IL11: variants seen among roughly 807,000 people sequenced by gnomAD.
The protein encoded by IL11 is interleukin-11.
A neutral mutation model predicts 18.1 loss-of-function variants in IL11; 17 were observed. That is an observed-to-expected ratio of 0.94 (90% CI 0.64 to 1.41). IL11 has a LOEUF of 1.41. IL11 is among the 40% of genes most tolerant of loss of function. IL11 has a pLI of 0.00. For synonymous variants in IL11, 144 were observed against 134.1 expected (o/e 1.07, Z -0.51); for missense variants, 309 against 262.8 (o/e 1.18, Z -1.22).
In IL11 at chr19:55,364,835, C is replaced by T. The variant is rs2089775321; in HGVS notation, c.*1172G>A. 1 of 152,202 alleles carries T rather than the reference C, an allele frequency of 6.6e-6. No individual in the cohort carries two copies. The highest frequency in any genetic ancestry group is 1.5e-5 in the Non-Finnish European group (1 of 68,036). The allele number at this position is 152,202 out of a possible 1,614,324, so 9.4% of individuals were successfully genotyped here. A position where few individuals can be genotyped will look rare whatever the true frequency, so the allele number is the denominator to read the frequency against. On this transcript the variant is annotated 3_prime_UTR_variant, in exon 5 of 5. Coordinates refer to ENST00000264563, the MANE Select transcript of IL11 (RefSeq NM_000641.4). Reference sequence around the variant, plus strand: ...CCAAGCAAGCCTCTCTCCTTAGCCTCCCTGAATGACAGTCCCTGCTCCGGG... The same window carrying T: ...CCAAGCAAGCCTCTCTCCTTAGCCTTCCTGAATGACAGTCCCTGCTCCGGG...
rs1239313341 is a variant in IL11, at chr19:55,369,801, G to T, written c.7+503C>A. The stretch of plus-strand genomic sequence containing the variant: ...CGTCGGTCTGTCCGCGCCTCCGTCG[G>T]CCGCATCTGCCCGGCTCTCCCCGCT... On this transcript the variant is annotated intron_variant, in intron 1 of 4. Transcript: ENST00000264563. The surrounding 1 kb of genome is among the most constrained non-coding windows in gnomAD (Gnocchi z 6.1). Among the ~76,000 whole-genome samples, 2 of 151,410 alleles carry T rather than the reference G, an allele frequency of 1.3e-5. No individual in the cohort carries two copies. Among genetic ancestry groups the T allele is most frequent in the Admixed American group, 1.3e-4 (2 of 15,240 alleles).
Position 55,365,941 on chromosome 19 carries a change from A to G in IL11, c.*66T>C, listed in dbSNP as rs779057841. 5.4e-4 allele frequency: 827 copies of G among 1,542,544 alleles called. 3 individuals are homozygous for G. Among genetic ancestry groups the G allele is most frequent in the Middle Eastern group, 4.1e-3 (18 of 4,410 alleles). On this transcript the variant is annotated 3_prime_UTR_variant, in exon 5 of 5. Transcript: ENST00000264563. ...GGGATCACCTGGCTGTTTCGCCCCC[A>G]GTACTGAAATAAATAAATAAATAAG...
At position 55,369,762 on chromosome 19, in the gene IL11, C is replaced by G. The variant is rs951142611; in HGVS notation, c.7+542G>C. ...GCCTCGCACACCCCCAGCCCGCCCC[C>G]CGGGCCCGCCAGCCGTCGGTCTGTC... On this transcript the variant is annotated intron_variant, in intron 1 of 4. Coordinates refer to ENST00000264563, the MANE Select transcript of IL11 (RefSeq NM_000641.4). This position sits in a 1 kb window ranked among gnomAD's most constrained non-coding sequence, Gnocchi z 6.1. Among the ~76,000 whole-genome samples, 1 of 150,690 alleles carries G rather than the reference C, an allele frequency of 6.6e-6. No individual in the cohort carries two copies. Among genetic ancestry groups the G allele is most frequent in the Non-Finnish European group, 1.5e-5 (1 of 67,514 alleles).
At chr19:55,367,473 TGAGA>T (rs2089792613) in intron 4 of IL11, among the ~76,000 whole-genome samples, 1 of 146,008 alleles carries the variant, frequency 6.8e-6, no homozygotes, top group African/African-American at 2.6e-5. Context: ...TTTTTTTTTT[TGAGA>T]GAGAGGGAGT....
chr19:55,368,223 C>A lies in IL11; in HGVS notation c.416G>T (p.Arg139Leu), dbSNP rs758552589. The change falls in exon 4 of 5, where the codon CGG becomes CTG. Residue 139 changes from arginine (R) to leucine (L), a missense_variant. Physicochemically the swap from Arg to Leu is moderately radical, Grantham distance 102. Transcript: ENST00000264563. ...GCCAGGACATACCAGGAGCTGCAGC[C>A]GGCGCAGCAGCCGGTCCAGTCGGGC... Reference protein sequence around the residue: ...LQARLDRLLRRLQLLMSRLAL... With the variant: ...LQARLDRLLRLLQLLMSRLAL... The A allele has an allele frequency of 6.5e-7, 1 of 1,532,926 alleles. No homozygotes were observed. The highest frequency in any genetic ancestry group is 8.8e-7 in the Non-Finnish European group (1 of 1,135,836). The allele number at this position is 1,532,926 out of a possible 1,614,324, so 95.0% of individuals were successfully genotyped here.
chr19:55,368,652 C>T, intron 2 of IL11, 83 bp from the exon 3 acceptor site: 1 of 1,493,344 alleles, frequency 6.7e-7, no homozygotes, highest in Non-Finnish European at 9.1e-7. Context: ...CCAACTCTTC[C>T]CCTCCCTCAC....
intron 3 of IL11, 54 bp from the exon 4 acceptor site, chr19:55,368,425 C>T: frequency 6.3e-7 from 1 of 1,580,532 alleles, no homozygotes. Context: ...CCTCATCCTC[C>T]CCGCCCCCTT....
intron 1 of IL11, 22 bp downstream of exon 1, chr19:55,370,282 C>T: frequency 3.3e-6 from 5 of 1,492,634 alleles, no homozygotes; most frequent in South Asian, 2.5e-5. Flanking sequence ...GTCCCCTCCA[C>T]CCTCCCCATG....
chr19:55,369,331 C>T lies in IL11; in HGVS notation c.8-390G>A. 1 of 159,386 alleles carries T rather than the reference C, an allele frequency of 6.3e-6. No individual in the cohort carries two copies. The highest frequency in any genetic ancestry group is 1.4e-5 in the Non-Finnish European group (1 of 73,012). The allele number at this position is 159,386 out of a possible 1,614,324, so 9.9% of individuals were successfully genotyped here. ...GACGGGCCGGGCGTCTCCCGTCCGC[C>T]CCCGGACGCCGGAATCTGGGCCCCG... On this transcript the variant is annotated intron_variant, in intron 1 of 4. Transcript: ENST00000264563. This position sits in a 1 kb window ranked among gnomAD's most constrained non-coding sequence, Gnocchi z 6.1.
chr19:55,366,486 A>G lies in IL11; in HGVS notation c.430-309T>C, dbSNP rs999833237. On this transcript the variant is annotated intron_variant, in intron 4 of 4. Coordinates refer to ENST00000264563, the MANE Select transcript of IL11 (RefSeq NM_000641.4). The surrounding 1 kb of genome is among the most constrained non-coding windows in gnomAD (Gnocchi z 4.6). ...AGAGTCGCCGGGGCTGGAATCTCAG[A>G]GCTGGGTTTTTGTTGTTGTGGCTGC... 3.5e-4 allele frequency among the ~76,000 whole-genome samples: 53 copies of G among 151,806 alleles called. No individual in the cohort carries two copies. Among genetic ancestry groups the G allele is most frequent in the African/African-American group, 1.2e-3 (49 of 41,318 alleles).
intron 4 of IL11, among the ~76,000 whole-genome samples, chr19:55,367,205 C>G (rs2089790913): frequency 6.6e-6 from 1 of 151,904 alleles, no homozygotes; most frequent in African/African-American, 2.4e-5. Context: ...AAGTGAGGGT[C>G]TTGGAGTCGT....
chr19:55,369,727 G>T lies in IL11; in HGVS notation c.7+577C>A, dbSNP rs1450386582. Among the ~76,000 whole-genome samples, 1 of 75,582 alleles carries T rather than the reference G, an allele frequency of 1.3e-5. No homozygotes were observed. Among genetic ancestry groups the T allele is most frequent in the African/African-American group, 5.2e-5 (1 of 19,100 alleles). The allele number at this position is 75,582 out of a possible 152,430, so 49.6% of individuals were successfully genotyped here. The stretch of plus-strand genomic sequence containing the variant: ...ACCCGCCAGCCAATCAGCGCTCCCC[G>T]GCCGCCCGCGCCTCGCACACCCCCA... On this transcript the variant is annotated intron_variant, in intron 1 of 4. Coordinates refer to ENST00000264563, the MANE Select transcript of IL11 (RefSeq NM_000641.4). This position sits in a 1 kb window ranked among gnomAD's most constrained non-coding sequence, Gnocchi z 6.1.
intron 4 of IL11, among the ~76,000 whole-genome samples, chr19:55,367,280 C>T (rs1372020820): frequency 1.3e-5 from 2 of 151,770 alleles, no homozygotes; most frequent in Non-Finnish European, 1.5e-5. Context: ...CATAGGGCCT[C>T]AGGGCTCGGG....
In IL11 at chr19:55,370,330, T is replaced by C; in HGVS notation, c.-20A>G. The C allele has an allele frequency of 7.0e-7, 1 of 1,433,996 alleles. No individual in the cohort carries two copies. The highest frequency in any genetic ancestry group is 9.2e-7 in the Non-Finnish European group (1 of 1,082,624). The allele number at this position is 1,433,996 out of a possible 1,614,324, so 88.8% of individuals were successfully genotyped here. A position where few individuals can be genotyped will look rare whatever the true frequency, so the allele number is the denominator to read the frequency against. On this transcript the variant is annotated 5_prime_UTR_variant, in exon 1 of 5. Coordinates refer to ENST00000264563, the MANE Select transcript of IL11 (RefSeq NM_000641.4). ...GTTCATGTCCCCACAGGGCCAGGGG[T>C]TCCCCAGGGCAGGGGGCAGGGAGCC...
At position 55,365,829 on chromosome 19, in the gene IL11, C is replaced by A; in HGVS notation, c.*178G>T. 5.8e-6 allele frequency: 6 copies of A among 1,032,408 alleles called. No individual in the cohort carries two copies. The highest frequency in any genetic ancestry group is 8.2e-6 in the Non-Finnish European group (6 of 734,856). The allele number at this position is 1,032,408 out of a possible 1,614,324, so 64.0% of individuals were successfully genotyped here. A position where few individuals can be genotyped will look rare whatever the true frequency, so the allele number is the denominator to read the frequency against. On this transcript the variant is annotated 3_prime_UTR_variant, in exon 5 of 5. Transcript: ENST00000264563. Reference sequence around the variant, plus strand: ...AGTCCACCTGCCTCCCACCCCTGCTCCTGAAATAAATAAGTATAAATAAGG... The same window carrying A: ...AGTCCACCTGCCTCCCACCCCTGCTACTGAAATAAATAAGTATAAATAAGG...
rs2089786240 is a variant in IL11, at chr19:55,366,372, C to T, written c.430-195G>A. ...TGGAGGCTGGAGTCAGGACGGGCTT[C>T]CAGAGCTGAGTGTGGGGGTTGGGGG... On this transcript the variant is annotated intron_variant, in intron 4 of 4. Coordinates refer to ENST00000264563, the MANE Select transcript of IL11 (RefSeq NM_000641.4). The surrounding 1 kb of genome is among the most constrained non-coding windows in gnomAD (Gnocchi z 4.6). Among the ~76,000 whole-genome samples, 1 of 151,662 alleles carries T rather than the reference C, an allele frequency of 6.6e-6. No individual in the cohort carries two copies. Among genetic ancestry groups the T allele is most frequent in the Non-Finnish European group, 1.5e-5 (1 of 67,922 alleles).
intron 4 of IL11, among the ~76,000 whole-genome samples, chr19:55,367,534 C>T (rs2089793231): frequency 7.0e-6 from 1 of 142,514 alleles, no homozygotes; most frequent in Admixed American, 7.4e-5. Flanking sequence ...GATCTCGGCT[C>T]ACTGCAACCT....
chr19:55,368,868 G>A lies in IL11; in HGVS notation c.81C>T (p.Gly27=). The A allele has an allele frequency of 1.3e-6, 2 of 1,574,054 alleles. No homozygotes were observed. Among genetic ancestry groups the A allele is most frequent in the East Asian group, 2.3e-5 (1 of 43,376 alleles). The change falls in exon 2 of 5, where the codon GGC becomes GGT. Residue 27 remains glycine, a synonymous_variant. Transcript: ENST00000264563. The part of the protein sequence containing the change: ...DTAVAPGPPP[G]PPRVSPDPRA... ...GAGGGTCTGGGGAAACTCGAGGGGG[G>A]CCAGGTGGTGGCCCAGGGGCGACAG...
In IL11 at chr19:55,368,918, C is replaced by T. The variant is rs368402118; in HGVS notation, c.31G>A (p.Val11Met). The change falls in exon 2 of 5, where the codon GTG (valine) becomes ATG (methionine). Residue 11 changes from valine to methionine, a missense_variant. Val to Met is a conservative substitution (Grantham distance 21). Coordinates refer to ENST00000264563, the MANE Select transcript of IL11 (RefSeq NM_000641.4). ...GCTGTATCTGGCCACAGGCTCAGCA[C>T]GACCAGGACCAGGCGGCAAACACCT... MNCVCRLVLV[V>M]LSLWPDTAVA... 2.1e-5 allele frequency: 32 copies of T among 1,535,566 alleles called. No homozygotes were observed. Among genetic ancestry groups the T allele is most frequent in the East Asian group, 4.7e-5 (2 of 42,270 alleles).
Sources: allele counts gnomAD v4.1 joint callset (sites outside exome capture counted in the v4.1 genomes callset), GRCh38; gene constraint gnomAD v4.1.1; non-coding constraint Gnocchi (gnomAD v3.1); transcripts MANE v1.5; gene names NCBI Gene and HGNC (gene_info 2026-07-23, HGNC 2026-07-21).